The following TCERG1L variants were observed in gnomAD, a reference collection of about 807,000 sequenced individuals.
The protein encoded by TCERG1L is transcription elongation regulator 1-like protein.
TCERG1L carries 37 observed loss-of-function variants against 56.3 expected under a neutral mutation model. The observed-to-expected ratio is 0.66, with a 90% CI of 0.51 to 0.87. The LOEUF (loss-of-function observed/expected upper bound fraction) is 0.87. TCERG1L is among the 40% of genes least tolerant of loss of function. The pLI is 0.00. For synonymous variants in TCERG1L, 324 were observed against 326.3 expected, an observed-to-expected ratio of 0.99 and a Z score of 0.08; for missense variants, 799 against 774.2, an observed-to-expected ratio of 1.03 and a Z score of -0.38.
chr10:131,140,021 TTAGA>T (rs905874130), intron 7 of TCERG1L, among the ~76,000 whole-genome samples: 1 of 152,170 alleles, frequency 6.6e-6, no homozygotes, highest in Non-Finnish European at 1.5e-5. Context: ...GTCAGTCTTC[TTAGA>T]GAGGGTAGGC....
At chr10:131,197,185 A>ACTT (rs1845375011) in intron 4 of TCERG1L, among the ~76,000 whole-genome samples, 1 of 148,628 alleles carries the variant, frequency 6.7e-6, no homozygotes, top group Non-Finnish European at 1.5e-5. Context: ...TCTCTCCTCC[A>ACTT]TTTTTTTTTT....
At chr10:131,139,720 A>G (rs954014285) in intron 7 of TCERG1L, among the ~76,000 whole-genome samples, 8 of 149,072 alleles carry the variant, frequency 5.4e-5, no homozygotes, top group Non-Finnish European at 7.5e-5. Flanking sequence ...GTCTGTGTGT[A>G]TGTGTGCCTG....
intron 4 of TCERG1L, among the ~76,000 whole-genome samples, chr10:131,227,126 A>T (rs1173905771): frequency 6.6e-6 from 1 of 152,192 alleles, no homozygotes; most frequent in Non-Finnish European, 1.5e-5. Flanking sequence ...TGTTCTCCAT[A>T]ATGTCCCATA....
chr10:131,220,585 G>GAGA (rs1298208337), intron 4 of TCERG1L, among the ~76,000 whole-genome samples: 1 of 149,908 alleles, frequency 6.7e-6, no homozygotes, highest in African/African-American at 2.5e-5. Flanking sequence ...AAGGGGCATG[G>GAGA]AGACCCCATG....
At chr10:131,224,999 A>C (rs1432296260) in intron 4 of TCERG1L, among the ~76,000 whole-genome samples, 1 of 152,124 alleles carries the variant, frequency 6.6e-6, no homozygotes, top group Non-Finnish European at 1.5e-5. Flanking sequence ...TGTGCTGAGC[A>C]CTGGCCTGGG....
At chr10:131,256,661 G>A (rs913480607) in intron 4 of TCERG1L, among the ~76,000 whole-genome samples, 4 of 151,956 alleles carry the variant, frequency 2.6e-5, no homozygotes, top group East Asian at 1.9e-4. Context: ...GGAGGTGGGC[G>A]GATCATGAGG....
intron 4 of TCERG1L, among the ~76,000 whole-genome samples, chr10:131,230,134 G>A (rs976475085): frequency 6.6e-6 from 1 of 152,178 alleles, no homozygotes; most frequent in Admixed American, 6.5e-5. Flanking sequence ...GCCCAGCCCG[G>A]CTCCAGCAGG....
chr10:131,265,780 CTG>C (rs1237856469), intron 3 of TCERG1L, among the ~76,000 whole-genome samples: 4 of 152,222 alleles, frequency 2.6e-5, no homozygotes, highest in Non-Finnish European at 5.9e-5. Flanking sequence ...CTTCAGCAAA[CTG>C]TAACTCTTTT....
intron 9 of TCERG1L, among the ~76,000 whole-genome samples, chr10:131,115,315 C>T (rs1007838311): frequency 6.6e-6 from 1 of 152,248 alleles, no homozygotes; most frequent in African/African-American, 2.4e-5. Context: ...CTGCAGAGAC[C>T]AAGTTGGGAG....
At chr10:131,299,551 GAA>G (rs1438706395) in intron 3 of TCERG1L, among the ~76,000 whole-genome samples, 1 of 141,420 alleles carries the variant, frequency 7.1e-6, no homozygotes, top group Admixed American at 6.9e-5. Context: ...ATCTTAGAGG[GAA>G]AACATTATCC....
At chr10:131,222,647 T>C (rs1313458273) in intron 4 of TCERG1L, among the ~76,000 whole-genome samples, 1 of 152,170 alleles carries the variant, frequency 6.6e-6, no homozygotes, top group African/African-American at 2.4e-5. Context: ...CAGGAGATAG[T>C]GAGGGTATGG....
intron 9 of TCERG1L, among the ~76,000 whole-genome samples, chr10:131,108,086 T>C (rs1397902773): frequency 6.6e-6 from 1 of 152,184 alleles, no homozygotes; most frequent in Admixed American, 6.5e-5. Flanking sequence ...CTATCTCTTT[T>C]AAGTCCGTCT....
intron 4 of TCERG1L, among the ~76,000 whole-genome samples, chr10:131,176,188 A>AG: frequency 6.6e-6 from 1 of 152,248 alleles, no homozygotes; most frequent in Non-Finnish European, 1.5e-5. Flanking sequence ...GAGCTGGACC[A>AG]GGGCCTCTGG....
intron 9 of TCERG1L, among the ~76,000 whole-genome samples, chr10:131,108,278 G>A (rs1309577343): frequency 1.3e-5 from 2 of 152,138 alleles, no homozygotes; most frequent in African/African-American, 4.8e-5. Flanking sequence ...CGTTTCACAG[G>A]ACCCCAGGGT....
At chr10:131,098,986 G>GCAGA (rs1260538573) in intron 10 of TCERG1L, among the ~76,000 whole-genome samples, 1 of 152,168 alleles carries the variant, frequency 6.6e-6, no homozygotes. Flanking sequence ...GTGAACCTGG[G>GCAGA]CGTCTGGTGC....
At chr10:131,119,798 C>T (rs778926951) in intron 8 of TCERG1L, among the ~76,000 whole-genome samples, 14 of 152,208 alleles carry the variant, frequency 9.2e-5, no homozygotes, top group East Asian at 1.9e-4. Context: ...GTAGAGGCAG[C>T]GTCCCCGAGG....
chr10:131,116,030 T>C (rs1020136200), intron 9 of TCERG1L, among the ~76,000 whole-genome samples: 1 of 152,134 alleles, frequency 6.6e-6, no homozygotes, highest in Non-Finnish European at 1.5e-5. Context: ...GCGTGTTCAT[T>C]ATAAACATCC....
chr10:131,098,957 G>C (rs185968168), intron 10 of TCERG1L, among the ~76,000 whole-genome samples: 16 of 152,276 alleles, frequency 1.1e-4, no homozygotes, highest in South Asian at 2.1e-4. Context: ...AGTAAATTCT[G>C]CATCTCTGAT....
At chr10:131,204,683 C>T (rs1227144126) in intron 4 of TCERG1L, among the ~76,000 whole-genome samples, 3 of 152,220 alleles carry the variant, frequency 2.0e-5, no homozygotes, top group Non-Finnish European at 2.9e-5. Flanking sequence ...CTAAAATAAA[C>T]CAATGAGCCT....
Sources: gnomAD v4.1 joint callset for allele counts (sites outside exome capture counted in the v4.1 genomes callset) on GRCh38, gnomAD v4.1.1 for gene constraint, MANE v1.5 for transcripts, NCBI Gene and HGNC (gene_info 2026-07-23, HGNC 2026-07-21) for gene names.